The following ZBTB40 variants were observed in gnomAD, a reference collection of about 807,000 sequenced individuals.
ZBTB40 encodes the protein zinc finger and BTB domain containing 40.
Under a neutral mutation model 117.5 loss-of-function variants are expected in ZBTB40, and 60 were observed. That is an observed-to-expected ratio of 0.51 (90% CI 0.41 to 0.63). The LOEUF (loss-of-function observed/expected upper bound fraction) is 0.63, where lower values mean the gene tolerates loss of function less well. ZBTB40 is among the 30% of genes least tolerant of loss of function. The pLI, the probability that ZBTB40 is intolerant of heterozygous loss-of-function variation, is 0.00. For missense variants in ZBTB40, 1,287 were observed against 1,498.5 expected (o/e 0.86, Z 2.33); for synonymous variants, 525 against 577.1 (o/e 0.91, Z 1.29).
chr1:22,433,827 G>A (rs1360907683), intron 1 of ZBTB40, among the ~76,000 whole-genome samples: 1 of 151,594 alleles, frequency 6.6e-6, no homozygotes, highest in Non-Finnish European at 1.5e-5. Flanking sequence ...TAATTAAACT[G>A]CATAATATGC....
intron 1 of ZBTB40, among the ~76,000 whole-genome samples, chr1:22,431,325 GTA>G (rs57235119): frequency 0.02 from 1,781 of 90,138 alleles, 29 homozygotes; most frequent in Middle Eastern, 0.078. Context: ...TATTTATATT[GTA>G]TATATATATT....
At chr1:22,511,368 G>T in intron 10 of ZBTB40, 21 bp downstream of exon 10, 1 of 1,612,974 alleles carries the variant, frequency 6.2e-7, no homozygotes. Flanking sequence ...GGCCAGGTGG[G>T]AAGGGGGTTC....
Position 22,526,511 on chromosome 1 carries a change from C to A in ZBTB40, c.*115C>A. The stretch of plus-strand genomic sequence containing the variant: ...GAGTGGTGAGCATCTTAGCTTAGCA[C>A]CAACCAACACAGTCTCACCTAGAAA... On this transcript the variant is annotated 3_prime_UTR_variant, in exon 18 of 18. Coordinates refer to ENST00000375647, the MANE Select transcript of ZBTB40 (RefSeq NM_014870.4). The A allele has an allele frequency of 7.6e-7, 1 of 1,324,130 alleles. No homozygotes were observed. The highest frequency in any genetic ancestry group is 1.1e-6 in the Non-Finnish European group (1 of 936,426). 82.0% of individuals were successfully genotyped at this position (1,324,130 alleles called of 1,614,324 possible). A position where few individuals can be genotyped will look rare whatever the true frequency, so the allele number is the denominator to read the frequency against.
chr1:22,478,129 TAC>T (rs1470651904), intron 1 of ZBTB40, among the ~76,000 whole-genome samples: 3 of 152,274 alleles, frequency 2.0e-5, no homozygotes, highest in Non-Finnish European at 4.4e-5. Context: ...GACAGTGGAT[TAC>T]AGTGTTTAAC....
At chr1:22,523,383 GTCAC>G (rs1334318610) in intron 16 of ZBTB40, among the ~76,000 whole-genome samples, 4 of 152,118 alleles carry the variant, frequency 2.6e-5, no homozygotes, top group Non-Finnish European at 4.4e-5. Context: ...TTTTTATCAT[GTCAC>G]TCACTCTAGT....
At chr1:22,501,758 C>A (rs905399581) in intron 4 of ZBTB40, 74 bp downstream of exon 4, 22 of 1,490,356 alleles carry the variant, frequency 1.5e-5, no homozygotes, top group Non-Finnish European at 2.0e-5. Flanking sequence ...GTTCCAATGA[C>A]ATGTTTCTTT....
chr1:22,438,837 C>G (rs1640701110), intron 1 of ZBTB40, among the ~76,000 whole-genome samples: 1 of 151,900 alleles, frequency 6.6e-6, no homozygotes, highest in African/African-American at 2.4e-5. Flanking sequence ...GAGAAATATT[C>G]TTTTGCCCAT....
At chr1:22,477,372 A>T (rs1024644737) in intron 1 of ZBTB40, among the ~76,000 whole-genome samples, 5 of 152,304 alleles carry the variant, frequency 3.3e-5, no homozygotes, top group Middle Eastern at 3.4e-3. Flanking sequence ...ACACACTAAT[A>T]AGCAACATAG....
At chr1:22,430,415 C>T (rs1640563527) in intron 1 of ZBTB40, among the ~76,000 whole-genome samples, 1 of 152,154 alleles carries the variant, frequency 6.6e-6, no homozygotes, top group Admixed American at 6.5e-5. Flanking sequence ...ATAGCAAGAC[C>T]CTGTCTTTAC....
intron 8 of ZBTB40, 24 bp from the exon 9 acceptor site, chr1:22,509,076 G>C: frequency 6.2e-7 from 1 of 1,614,084 alleles, no homozygotes; most frequent in Non-Finnish European, 8.5e-7. Context: ...TGCCTAATGA[G>C]TTTTTGATCC....
chr1:22,463,300 C>T (rs2124392346), intron 1 of ZBTB40, among the ~76,000 whole-genome samples: 1 of 152,236 alleles, frequency 6.6e-6, no homozygotes, highest in South Asian at 2.1e-4. Context: ...GCCAGGGCCC[C>T]TTAATTTTTA....
At chr1:22,479,883 G>A (rs1350513778) in intron 1 of ZBTB40, among the ~76,000 whole-genome samples, 1 of 151,996 alleles carries the variant, frequency 6.6e-6, no homozygotes, top group African/African-American at 2.4e-5. Context: ...GGATTTCAGT[G>A]ACTTAATTTT....
chr1:22,523,075 G>A (rs1368533106), intron 16 of ZBTB40, among the ~76,000 whole-genome samples: 2 of 148,664 alleles, frequency 1.3e-5, no homozygotes, highest in Non-Finnish European at 3.0e-5. Flanking sequence ...AGCCTCCCGA[G>A]TAGCTGGGAC....
intron 1 of ZBTB40, among the ~76,000 whole-genome samples, chr1:22,432,975 G>A (rs764089826): frequency 1.3e-5 from 2 of 152,162 alleles, no homozygotes; most frequent in Non-Finnish European, 2.9e-5. Flanking sequence ...TATGTACTAT[G>A]TAGCCCTTTA....
intron 1 of ZBTB40, among the ~76,000 whole-genome samples, chr1:22,468,147 C>T (rs1039934199): frequency 6.6e-6 from 1 of 151,530 alleles, no homozygotes; most frequent in Non-Finnish European, 1.5e-5. Context: ...TTGACAGTCA[C>T]TTTGCTAAAG....
intron 1 of ZBTB40, among the ~76,000 whole-genome samples, chr1:22,473,442 G>A (rs1641461714): frequency 6.6e-6 from 1 of 152,164 alleles, no homozygotes; most frequent in African/African-American, 2.4e-5. Flanking sequence ...TAACTGTCTT[G>A]CTGGCTTGTT....
At chr1:22,479,658 A>C (rs561734021) in intron 1 of ZBTB40, among the ~76,000 whole-genome samples, 1 of 152,124 alleles carries the variant, frequency 6.6e-6, no homozygotes, top group Non-Finnish European at 1.5e-5. Context: ...AAATTCCTAG[A>C]TATGTCTTCA....
chr1:22,494,888 A>C (rs575471560), intron 3 of ZBTB40, among the ~76,000 whole-genome samples: 1 of 152,214 alleles, frequency 6.6e-6, no homozygotes, highest in Admixed American at 6.5e-5. Flanking sequence ...AGATTTCACC[A>C]TAAGGCTTCA....
At chr1:22,454,885 A>G (rs181361891) in intron 1 of ZBTB40, among the ~76,000 whole-genome samples, 14 of 152,362 alleles carry the variant, frequency 9.2e-5, no homozygotes, top group Admixed American at 9.1e-4. Flanking sequence ...TTTAGCTCCA[A>G]ATGGAAACTT....
Sources: allele counts gnomAD v4.1 joint callset (sites outside exome capture counted in the v4.1 genomes callset), GRCh38; gene constraint gnomAD v4.1.1; transcripts MANE v1.5; gene names NCBI Gene and HGNC (gene_info 2026-07-23, HGNC 2026-07-21).